AGFG1: variants seen among roughly 807,000 people sequenced by gnomAD.
AGFG1 encodes arf-GAP domain and FG repeat-containing protein 1.
A neutral mutation model predicts 60.6 loss-of-function variants in AGFG1; 10 were observed. The ratio of observed to expected loss-of-function variants is 0.16; its 90% CI spans 0.10 to 0.28. The LOEUF is 0.28. Ranked by LOEUF, AGFG1 falls within the 10% of genes least tolerant of loss-of-function variation. The pLI is 1.00. For missense variants in AGFG1, 537 were observed against 676.5 expected (o/e 0.79, Z 2.29); for synonymous variants, 247 against 242.9 (o/e 1.02, Z -0.16).
intron 5 of AGFG1, among the ~76,000 whole-genome samples, chr2:227,527,747 A>C (rs1162880018): frequency 6.6e-6 from 1 of 152,210 alleles, no homozygotes; most frequent in African/African-American, 2.4e-5. Context: ...TGATAATTTA[A>C]AACTTTGCTT....
chr2:227,543,800 G>T (rs1692562505), intron 10 of AGFG1, among the ~76,000 whole-genome samples: 3 of 152,052 alleles, frequency 2.0e-5, no homozygotes, highest in African/African-American at 4.8e-5. Context: ...AAGTCTCTTT[G>T]TAGGTCTCTA....
intron 10 of AGFG1, among the ~76,000 whole-genome samples, chr2:227,543,851 C>CAT (rs61663054): frequency 0.6 from 90,020 of 151,144 alleles, 26,833 homozygotes; most frequent in South Asian, 0.69. Context: ...GTATTGGGTG[C>CAT]ATATATATTT....
Position 227,528,344 on chromosome 2 carries a change from G to A in AGFG1, c.695-2747G>A, listed in dbSNP as rs532038062. Among the ~76,000 whole-genome samples the A allele has an allele frequency of 1.8e-4, 27 of 152,162 alleles. No individual in the cohort carries two copies. The East Asian group carries it at 4.4e-3, about 25-fold the overall frequency. ...TTGGGTTTCTTTTGCTTAAGTTGTT[G>A]GAGTTGTGGTAGATTTCCCTTCTCC... On this transcript the variant is annotated intron_variant, in intron 5 of 12. Transcript: ENST00000310078.
intron 3 of AGFG1, among the ~76,000 whole-genome samples, chr2:227,521,824 G>A (rs1019470848): frequency 4.0e-5 from 6 of 151,322 alleles, no homozygotes; most frequent in Non-Finnish European, 7.4e-5. Flanking sequence ...AAACTATAAC[G>A]CAAATACCTA....
At chr2:227,499,468 C>T (rs111256237) in intron 2 of AGFG1, among the ~76,000 whole-genome samples, 8,233 of 137,468 alleles carry the variant, frequency 0.06, 292 homozygotes, top group African/African-American at 0.11. Context: ...GGCAAAACCC[C>T]ATCTCTACTA....
intron 3 of AGFG1, among the ~76,000 whole-genome samples, chr2:227,521,466 A>AT (rs1237305917): frequency 1.3e-5 from 2 of 152,212 alleles, no homozygotes; most frequent in African/African-American, 4.8e-5. Context: ...CACCAGTAAA[A>AT]TTTAAGTTCA....
chr2:227,500,538 A>G (rs1193336345), intron 2 of AGFG1, among the ~76,000 whole-genome samples: 1 of 152,192 alleles, frequency 6.6e-6, no homozygotes, highest in Non-Finnish European at 1.5e-5. Flanking sequence ...GAGAATGCTC[A>G]GAGCCATAGC....
In AGFG1 at chr2:227,524,798, GAGA is replaced by G. The variant is rs776068296; in HGVS notation, c.583_585del (p.Lys195del). The G allele has an allele frequency of 1.9e-6, 3 of 1,613,992 alleles. No homozygotes were observed. Among genetic ancestry groups the G allele is most frequent in the East Asian group, 4.5e-5 (2 of 44,888 alleles). The stretch of plus-strand genomic sequence containing the variant: ...AGGTCGTTCTCAAGGGCAGCAGCAG[GAGA>G]AGAAGCAATTTGACCTTTTAAGTGA... On this transcript the variant is annotated inframe_deletion, in exon 5 of 13. Coordinates refer to ENST00000310078, the MANE Select transcript of AGFG1 (RefSeq NM_004504.5).
At chr2:227,484,176 A>G (rs1007828263) in intron 1 of AGFG1, among the ~76,000 whole-genome samples, 1 of 152,028 alleles carries the variant, frequency 6.6e-6, no homozygotes, top group Non-Finnish European at 1.5e-5. Context: ...AATACAAAGT[A>G]GTTTCATTTA....
chr2:227,559,544 TGAAAA>T lies in AGFG1; in HGVS notation c.*5052_*5056del, dbSNP rs1255548701. On this transcript the variant is annotated 3_prime_UTR_variant, in exon 13 of 13. Transcript: ENST00000310078. ...TCCAACACAGGGCTGTAGGGACTGA[TGAAAA>T]GAGAATGTTGTGATTTGAGCTTTTA... 3.3e-5 allele frequency: 5 copies of T among 152,156 alleles called. No homozygotes were observed. Among genetic ancestry groups the T allele is most frequent in the Non-Finnish European group, 4.4e-5 (3 of 68,006 alleles). 9.4% of individuals were successfully genotyped at this position (152,156 alleles called of 1,614,324 possible). A position where few individuals can be genotyped will look rare whatever the true frequency, so the allele number is the denominator to read the frequency against.
In AGFG1 at chr2:227,532,495, A is replaced by G. The variant is rs775420408; in HGVS notation, c.815-1054A>G. Among the ~76,000 whole-genome samples, 63 of 152,178 alleles carry G rather than the reference A, an allele frequency of 4.1e-4. 1 individual carries two copies. Among genetic ancestry groups the G allele is most frequent in the Non-Finnish European group, 1.3e-4 (9 of 68,010 alleles). ...TGTAACAGGTCACAATATTTTACAT[A>G]CAAACATATATTACTTACCTTTAAT... On this transcript the variant is annotated intron_variant, in intron 6 of 12. Transcript: ENST00000310078.
Position 227,533,644 on chromosome 2 carries a change from A to G in AGFG1, c.910A>G (p.Ser304Gly). 6.2e-7 allele frequency: 1 copy of G among 1,613,850 alleles called. No individual in the cohort carries two copies. Among genetic ancestry groups the G allele is most frequent in the Non-Finnish European group, 8.5e-7 (1 of 1,179,806 alleles). Residue 304 changes from serine (S) to glycine (G), a missense_variant, in exon 7 of 13, where the codon AGT (serine) becomes GGT (glycine). By Grantham distance (56) the Ser-to-Gly change is moderately conservative. Around this residue, in one of 4 missense-constraint regions of AGFG1, gnomAD observed 287 missense variants for 343.6 expected, o/e 0.84. Transcript: ENST00000310078. The stretch of plus-strand genomic sequence containing the variant: ...TTTTGGAACCTTCAATACTTCCCAG[A>G]GTCATCAAACAGCATCAGCTGTTAG... ...ADFGTFNTSQ[S>G]HQTASAVSKV...
intron 2 of AGFG1, among the ~76,000 whole-genome samples, chr2:227,503,911 T>C (rs185033808): frequency 3.3e-5 from 5 of 152,368 alleles, no homozygotes; most frequent in Non-Finnish European, 5.9e-5. Context: ...TTCTGTTTAC[T>C]CTGGGTTATT....
At position 227,536,688 on chromosome 2, in the gene AGFG1, G is replaced by A. The variant is rs1692324830; in HGVS notation, c.1269G>A (p.Val423=). The stretch of plus-strand genomic sequence containing the variant: ...AGACACAGCCTGCTTCATCAAGTGT[G>A]CCTGCTCCATTTGGAGGTATGTGCT... ...SAQTQPASSS[V]PAPFGATPST... Residue 423 remains valine (V), a synonymous_variant, in exon 9 of 13, where the codon GTG becomes GTA. Transcript: ENST00000310078. 6.2e-7 allele frequency: 1 copy of A among 1,613,702 alleles called. No homozygotes were observed. The highest frequency in any genetic ancestry group is 1.3e-5 in the African/African-American group (1 of 74,954).
intron 5 of AGFG1, 57 bp downstream of exon 5, chr2:227,524,972 A>G (rs936721998): frequency 6.3e-7 from 1 of 1,584,174 alleles, no homozygotes; most frequent in Non-Finnish European, 8.7e-7. Context: ...ACCAAGAAAC[A>G]TCAATTCTTT....
At chr2:227,546,757 T>C (rs1692661485) in intron 10 of AGFG1, among the ~76,000 whole-genome samples, 1 of 152,194 alleles carries the variant, frequency 6.6e-6, no homozygotes, top group Non-Finnish European at 1.5e-5. Flanking sequence ...TTAAATCTAA[T>C]TAATAGAGGT....
intron 2 of AGFG1, among the ~76,000 whole-genome samples, chr2:227,492,902 G>A (rs2106170862): frequency 6.6e-6 from 1 of 152,078 alleles, no homozygotes; most frequent in East Asian, 1.9e-4. Context: ...TTTACAAGTA[G>A]GATTAACTTA....
intron 1 of AGFG1, among the ~76,000 whole-genome samples, chr2:227,480,115 A>G (rs1305313546): frequency 6.6e-6 from 1 of 152,244 alleles, no homozygotes; most frequent in East Asian, 1.9e-4. Flanking sequence ...CAAGATGGTA[A>G]GGAAGTTTGA....
intron 1 of AGFG1, among the ~76,000 whole-genome samples, chr2:227,487,758 A>T (rs968755576): frequency 2.0e-5 from 3 of 152,146 alleles, no homozygotes; most frequent in Non-Finnish European, 4.4e-5. Context: ...TGTGGGTGGT[A>T]TAGGGGCGAG....
Sources: gnomAD v4.1 joint callset for allele counts (sites outside exome capture counted in the v4.1 genomes callset) on GRCh38, gnomAD v4.1.1 for gene constraint, gnomAD v4.1.1 regional missense constraint, MANE v1.5 for transcripts, NCBI Gene and HGNC (gene_info 2026-07-23, HGNC 2026-07-21) for gene names.